The following CACNA2D1 variants were observed in gnomAD, a reference collection of about 807,000 sequenced individuals.
CACNA2D1 encodes calcium voltage-gated channel auxiliary subunit alpha2delta 1, also known as voltage-dependent calcium channel subunit alpha-2/delta-1.
A neutral mutation model predicts 171.5 loss-of-function variants in CACNA2D1; 53 were observed. That is an observed-to-expected ratio of 0.31 (90% CI 0.25 to 0.39). The LOEUF is 0.39. Among genes scored for constraint, CACNA2D1 ranks in the 10% least tolerant of loss-of-function variants. The pLI is 1.00. For missense variants in CACNA2D1, 903 were observed against 1,299.8 expected, an observed-to-expected ratio of 0.69 and a Z score of 4.69; for synonymous variants, 442 against 443.1, an observed-to-expected ratio of 1.00 and a Z score of 0.03.
intron 3 of CACNA2D1, among the ~76,000 whole-genome samples, chr7:82,314,224 C>T (rs997941591): frequency 6.6e-6 from 1 of 152,032 alleles, no homozygotes; most frequent in African/African-American, 2.4e-5. Context: ...GCTATACTGG[C>T]CATCTTAGCT....
intron 3 of CACNA2D1, among the ~76,000 whole-genome samples, chr7:82,234,647 G>A (rs1454004102): frequency 2.0e-5 from 3 of 152,116 alleles, no homozygotes; most frequent in South Asian, 2.1e-4. Flanking sequence ...CAAGGGGGCC[G>A]TAGCTATCTT....
At chr7:82,173,372 A>G (rs1371806602) in intron 3 of CACNA2D1, among the ~76,000 whole-genome samples, 1 of 152,090 alleles carries the variant, frequency 6.6e-6, no homozygotes, top group Non-Finnish European at 1.5e-5. Context: ...TGTATACCAA[A>G]GAAGTTATGT....
At chr7:82,274,988 T>C (rs1325473501) in intron 3 of CACNA2D1, among the ~76,000 whole-genome samples, 1 of 152,024 alleles carries the variant, frequency 6.6e-6, no homozygotes, top group Non-Finnish European at 1.5e-5. Flanking sequence ...GGTCACACAG[T>C]ATGACCTAAA....
At chr7:82,398,704 A>AGTAGTCC (rs1826010805) in intron 1 of CACNA2D1, among the ~76,000 whole-genome samples, 2 of 151,686 alleles carry the variant, frequency 1.3e-5, no homozygotes, top group Non-Finnish European at 2.9e-5. Context: ...CAGCCTCCCG[A>AGTAGTCC]GTAGCTGGGA....
intron 3 of CACNA2D1, among the ~76,000 whole-genome samples, chr7:82,290,479 C>T (rs1358246734): frequency 1.3e-5 from 2 of 151,392 alleles, no homozygotes; most frequent in Non-Finnish European, 2.9e-5. Context: ...AATTCATTTC[C>T]AATTGCAAAC....
chr7:82,060,204 T>A lies in CACNA2D1; in HGVS notation c.879+224A>T, dbSNP rs566204062. Among the ~76,000 whole-genome samples, 12 of 31,436 alleles carry A rather than the reference T, an allele frequency of 3.8e-4. 2 individuals carry two copies. Among genetic ancestry groups the A allele is most frequent in the African/African-American group, 1.2e-3 (12 of 10,386 alleles). 20.6% of individuals were successfully genotyped at this position (31,436 alleles called of 152,430 possible). On this transcript the variant is annotated intron_variant, in intron 10 of 38. Coordinates refer to ENST00000356860, the MANE Select transcript of CACNA2D1 (RefSeq NM_000722.4). ...ATATATATATATTATATATATATTA[T>A]ATATATAATATATATATAATATATA... is the stretch of plus-strand genomic sequence containing the variant.
intron 3 of CACNA2D1, among the ~76,000 whole-genome samples, chr7:82,302,479 C>T (rs1166457606): frequency 2.0e-5 from 3 of 149,560 alleles, no homozygotes; most frequent in Admixed American, 6.7e-5. Flanking sequence ...GGTGCAATCT[C>T]GGTTCATGGC....
intron 12 of CACNA2D1, among the ~76,000 whole-genome samples, chr7:82,019,518 T>C (rs1157360854): frequency 6.6e-6 from 1 of 152,188 alleles, no homozygotes; most frequent in Non-Finnish European, 1.5e-5. Context: ...TTTTGGCTAT[T>C]TACAATGTAT....
intron 7 of CACNA2D1, among the ~76,000 whole-genome samples, chr7:82,080,573 C>T (rs1484269925): frequency 1.3e-5 from 2 of 152,186 alleles, no homozygotes; most frequent in African/African-American, 4.8e-5. Flanking sequence ...TAAATACCTT[C>T]TTAGCAAAAG....
chr7:82,315,359 A>G (rs1364295001), intron 3 of CACNA2D1, among the ~76,000 whole-genome samples: 2 of 152,142 alleles, frequency 1.3e-5, no homozygotes, highest in Non-Finnish European at 2.9e-5. Flanking sequence ...CTTTCAAATG[A>G]TCATGTACAA....
intron 24 of CACNA2D1, among the ~76,000 whole-genome samples, chr7:81,978,762 T>TAG (rs2130579208): frequency 7.0e-6 from 1 of 142,028 alleles, no homozygotes; most frequent in East Asian, 2.1e-4. Context: ...TGTATATATA[T>TAG]ATATATATAC....
intron 3 of CACNA2D1, among the ~76,000 whole-genome samples, chr7:82,245,090 A>T (rs1179454316): frequency 1.3e-5 from 2 of 152,204 alleles, no homozygotes; most frequent in Non-Finnish European, 2.9e-5. Context: ...TAGATGTAGC[A>T]ACAGCTCAGA....
intron 3 of CACNA2D1, among the ~76,000 whole-genome samples, chr7:82,173,878 T>C (rs942918382): frequency 1.3e-5 from 2 of 150,836 alleles, no homozygotes; most frequent in Non-Finnish European, 1.5e-5. Context: ...ATCCTGTCTC[T>C]AAAAAAATAA....
intron 1 of CACNA2D1, among the ~76,000 whole-genome samples, chr7:82,434,129 A>T (rs904533355): frequency 6.6e-6 from 1 of 152,244 alleles, no homozygotes; most frequent in Non-Finnish European, 1.5e-5. Flanking sequence ...TGACACAAAG[A>T]AAAGCAGAAA....
At chr7:82,377,897 T>A (rs1337046090) in intron 1 of CACNA2D1, among the ~76,000 whole-genome samples, 1 of 152,180 alleles carries the variant, frequency 6.6e-6, no homozygotes, top group African/African-American at 2.4e-5. Flanking sequence ...CTAAATATAC[T>A]ACATTTTGGC....
chr7:81,959,578 TTGAG>T, intron 37 of CACNA2D1, 138 bp downstream of exon 37: 2 of 971,154 alleles, frequency 2.1e-6, no homozygotes, highest in East Asian at 2.6e-5. Context: ...CAACCAAATT[TTGAG>T]TGAGGAATCG....
intron 38 of CACNA2D1, among the ~76,000 whole-genome samples, chr7:81,957,010 C>T (rs1452899263): frequency 1.3e-5 from 2 of 151,762 alleles, no homozygotes; most frequent in African/African-American, 4.8e-5. Context: ...TAAAATATTT[C>T]AATAAGAATA....
At chr7:82,351,259 A>T (rs1407572943) in intron 1 of CACNA2D1, among the ~76,000 whole-genome samples, 1 of 151,562 alleles carries the variant, frequency 6.6e-6, no homozygotes. Flanking sequence ...TAAATTTTTT[A>T]AAATATAAAT....
chr7:82,382,710 C>T (rs1374507305), intron 1 of CACNA2D1, among the ~76,000 whole-genome samples: 3 of 152,132 alleles, frequency 2.0e-5, no homozygotes, highest in Non-Finnish European at 2.9e-5. Context: ...CTTTGTGAAA[C>T]GGTAAATGTT....
Sources: gnomAD v4.1 joint callset for allele counts (sites outside exome capture counted in the v4.1 genomes callset) on GRCh38, gnomAD v4.1.1 for gene constraint, MANE v1.5 for transcripts, NCBI Gene and HGNC (gene_info 2026-07-23, HGNC 2026-07-21) for gene names.